Variants in AP2B1 observed in about 807,000 individuals in gnomAD.
AP2B1 encodes the protein AP-2 complex subunit beta.
A neutral mutation model predicts 102.0 loss-of-function variants in AP2B1; 23 were observed. The observed-to-expected ratio is 0.23, with a 90% CI of 0.16 to 0.32. The LOEUF (loss-of-function observed/expected upper bound fraction) is 0.32, where lower values mean the gene tolerates loss of function less well. AP2B1 is among the 10% of genes least tolerant of loss of function. The pLI is 1.00. For missense variants in AP2B1, 541 were observed against 1,157.4 expected (o/e 0.47, Z 7.73); for synonymous variants, 381 against 421.2 (o/e 0.90, Z 1.17).
At chr17:35,640,586 G>A (rs2074751232) in intron 11 of AP2B1, among the ~76,000 whole-genome samples, 1 of 152,132 alleles carries the variant, frequency 6.6e-6, no homozygotes, top group Non-Finnish European at 1.5e-5. Flanking sequence ...CAGACCAGTA[G>A]TTCTCAAACT....
chr17:35,612,157 G>C (rs2073884036), intron 5 of AP2B1, among the ~76,000 whole-genome samples: 1 of 152,168 alleles, frequency 6.6e-6, no homozygotes, highest in Admixed American at 6.5e-5. Flanking sequence ...TTGCTGTTTT[G>C]TCAGAACTCA....
intron 9 of AP2B1, among the ~76,000 whole-genome samples, chr17:35,636,071 A>T (rs2074600110): frequency 6.6e-6 from 1 of 151,966 alleles, no homozygotes; most frequent in African/African-American, 2.4e-5. Context: ...CCTGACATAA[A>T]TGTTTTTCAG....
intron 14 of AP2B1, among the ~76,000 whole-genome samples, chr17:35,659,039 A>G (rs1325601147): frequency 6.6e-6 from 1 of 152,196 alleles, no homozygotes; most frequent in African/African-American, 2.4e-5. Context: ...TACTTTTTAT[A>G]TTCATATCTT....
intron 3 of AP2B1, chr17:35,600,872 C>A (rs2073455784): frequency 8.2e-6 from 3 of 363,848 alleles, no homozygotes; most frequent in Admixed American, 6.5e-5. Context: ...GCTTCCCTAA[C>A]CAGACGGGGA....
chr17:35,724,307 C>T lies in AP2B1; in HGVS notation c.*608C>T, dbSNP rs934513184. ...CTTTTTTCTTTTTTTCCCCTCCAAA[C>T]TCCTTTTCCTTGGCCAAGCCTTCAT... On this transcript the variant is annotated 3_prime_UTR_variant, in exon 22 of 22. Coordinates refer to ENST00000610402, the MANE Select transcript of AP2B1 (RefSeq NM_001030006.2). 1 of 152,268 alleles carries T rather than the reference C, an allele frequency of 6.6e-6. No individual in the cohort carries two copies. The highest frequency in any genetic ancestry group is 1.5e-5 in the Non-Finnish European group (1 of 68,096). 9.4% of individuals were successfully genotyped at this position (152,268 alleles called of 1,614,324 possible).
chr17:35,599,066 G>C (rs1450220925), intron 3 of AP2B1, among the ~76,000 whole-genome samples: 1 of 152,206 alleles, frequency 6.6e-6, no homozygotes, highest in Non-Finnish European at 1.5e-5. Context: ...AAAAAGAGCA[G>C]TTTCACTTAG....
chr17:35,596,709 C>A (rs1040520432), intron 2 of AP2B1, among the ~76,000 whole-genome samples: 6 of 152,184 alleles, frequency 3.9e-5, no homozygotes, highest in Non-Finnish European at 5.9e-5. Flanking sequence ...CTCCAGCTGC[C>A]CGGTGTAGAA....
rs587754544 is a variant in AP2B1 at position 35,726,347 on chromosome 17, C to T, written c.*2648C>T. 15 of 118,298 alleles carry T rather than the reference C, an allele frequency of 1.3e-4. No homozygotes were observed. Among genetic ancestry groups the T allele is most frequent in the Middle Eastern group, 3.7e-3 (1 of 270 alleles). 7.3% of individuals were successfully genotyped at this position (118,298 alleles called of 1,614,324 possible). ...TCTGTTCTTATTGGGTCCTGTTTTT[C>T]GGGAGGGTGGGGGTTGGGGGAAGCT... On this transcript the variant is annotated 3_prime_UTR_variant, in exon 22 of 22. Coordinates refer to ENST00000610402, the MANE Select transcript of AP2B1 (RefSeq NM_001030006.2).
chr17:35,597,800 T>C (rs2142327701), intron 2 of AP2B1, among the ~76,000 whole-genome samples: 1 of 152,306 alleles, frequency 6.6e-6, no homozygotes, highest in South Asian at 2.1e-4. Context: ...TCTGTGAACT[T>C]TGAGCCTCAT....
intron 13 of AP2B1, among the ~76,000 whole-genome samples, chr17:35,655,691 T>G (rs1463728457): frequency 6.6e-6 from 1 of 152,222 alleles, no homozygotes; most frequent in African/African-American, 2.4e-5. Context: ...AGAATAGGTT[T>G]CTAATTAGCT....
At chr17:35,621,344 A>T (rs1407245701) in intron 5 of AP2B1, 2 of 985,228 alleles carry the variant, frequency 2.0e-6, no homozygotes, top group African/African-American at 1.7e-5. Context: ...ACGGACCAGG[A>T]AAACTGAGAG....
At chr17:35,649,548 G>T (rs2075033560) in intron 12 of AP2B1, among the ~76,000 whole-genome samples, 1 of 152,328 alleles carries the variant, frequency 6.6e-6, no homozygotes, top group Admixed American at 6.5e-5. Context: ...GGGATTACAG[G>T]CGTAAGCCAC....
intron 5 of AP2B1, among the ~76,000 whole-genome samples, chr17:35,616,311 C>T (rs1291999973): frequency 6.6e-6 from 1 of 151,264 alleles, no homozygotes; most frequent in Non-Finnish European, 1.5e-5. Flanking sequence ...ACTACAGGCG[C>T]CCACCACTAC....
chr17:35,618,653 A>C (rs1033887278), intron 5 of AP2B1, among the ~76,000 whole-genome samples: 2 of 152,216 alleles, frequency 1.3e-5, no homozygotes, highest in African/African-American at 2.4e-5. Context: ...GAGATTCCTC[A>C]TAAGTGAGCT....
chr17:35,705,291 T>C (rs1014185645), intron 18 of AP2B1, among the ~76,000 whole-genome samples: 3 of 152,186 alleles, frequency 2.0e-5, no homozygotes, highest in African/African-American at 7.2e-5. Context: ...GAATGACCTG[T>C]GTAGTTGATC....
intron 18 of AP2B1, among the ~76,000 whole-genome samples, chr17:35,699,070 G>C (rs926350232): frequency 3.3e-5 from 5 of 152,160 alleles, no homozygotes; most frequent in African/African-American, 1.2e-4. Flanking sequence ...TAGCAGAATG[G>C]GTACTACAGG....
intron 17 of AP2B1, among the ~76,000 whole-genome samples, chr17:35,677,497 A>G (rs1395409597): frequency 1.3e-5 from 2 of 152,164 alleles, no homozygotes; most frequent in Non-Finnish European, 2.9e-5. Context: ...TTAAGAGTCA[A>G]TGTAAAAACT....
intron 3 of AP2B1, among the ~76,000 whole-genome samples, chr17:35,601,573 T>C (rs917312220): frequency 6.6e-6 from 1 of 151,964 alleles, no homozygotes; most frequent in African/African-American, 2.4e-5. Flanking sequence ...CCGGCCAAGA[T>C]TCATATAGAT....
In AP2B1 at chr17:35,623,097, ATT is replaced by A. The variant is rs11397695; in HGVS notation, c.526-1286_526-1285del. On this transcript the variant is annotated intron_variant, in intron 5 of 21. Transcript: ENST00000610402. The stretch of plus-strand genomic sequence containing the variant: ...CAATATATAGTATTTGTATGTATGC[ATT>A]TTTTTTTTTTTTTAGTATTTTTGCA... Among the ~76,000 whole-genome samples, 236 of 146,466 alleles carry A rather than the reference ATT, an allele frequency of 1.6e-3. 2 individuals carry two copies. The highest frequency in any genetic ancestry group is 4.9e-3 in the African/African-American group (194 of 39,934).
Sources: gnomAD v4.1 joint callset for allele counts (sites outside exome capture counted in the v4.1 genomes callset) on GRCh38, gnomAD v4.1.1 for gene constraint, MANE v1.5 for transcripts, NCBI Gene and HGNC (gene_info 2026-07-23, HGNC 2026-07-21) for gene names.